The following OSBPL10 variants were observed in gnomAD, a reference collection of about 807,000 sequenced individuals.
OSBPL10 encodes the protein oxysterol binding protein like 10.
Under a neutral mutation model 81.7 loss-of-function variants are expected in OSBPL10, and 49 were observed. That is an observed-to-expected ratio of 0.60 (90% confidence interval 0.48 to 0.76). The LOEUF is 0.76. OSBPL10 is among the 30% of genes least tolerant of loss of function. The pLI is 0.00. For missense variants in OSBPL10, 923 were observed against 987.8 expected, an observed-to-expected ratio of 0.93 and a Z score of 0.88; for synonymous variants, 419 against 383.6, an observed-to-expected ratio of 1.09 and a Z score of -1.08.
At chr3:31,919,506 ATC>A (rs1445019900) in intron 1 of OSBPL10, 2 of 152,170 alleles carry the variant, frequency 1.3e-5, no homozygotes, top group African/African-American at 4.8e-5. Context: ...TCTGGTTCCA[ATC>A]TCTGTTTTTC....
At chr3:31,794,768 T>G in intron 4 of OSBPL10, 1 of 311,512 alleles carries the variant, frequency 3.2e-6, no homozygotes, top group Non-Finnish European at 6.6e-6. Context: ...TGTAGCCCCA[T>G]CTTGGGAGAC....
chr3:31,723,211 A>G (rs1296634069), intron 6 of OSBPL10, among the ~76,000 whole-genome samples: 4 of 152,206 alleles, frequency 2.6e-5, no homozygotes, highest in African/African-American at 4.8e-5. Flanking sequence ...GGTGAATGAC[A>G]GAGAAAAGGA....
At chr3:32,036,888 T>C (rs771441885) in intron 2 of OSBPL10, among the ~76,000 whole-genome samples, 9 of 151,776 alleles carry the variant, frequency 5.9e-5, no homozygotes, top group Non-Finnish European at 1.3e-4. Context: ...TCTTGAACCA[T>C]GGACAGCCAC....
At chr3:31,762,838 A>C (rs1034706547) in intron 4 of OSBPL10, among the ~76,000 whole-genome samples, 1 of 151,760 alleles carries the variant, frequency 6.6e-6, no homozygotes, top group Non-Finnish European at 1.5e-5. Flanking sequence ...CCAAATCATA[A>C]TTTGCGGATG....
intron 4 of OSBPL10, among the ~76,000 whole-genome samples, chr3:31,819,230 C>CA (rs1699923588): frequency 6.6e-6 from 1 of 152,204 alleles, no homozygotes; most frequent in South Asian, 2.1e-4. Context: ...CCCAGGCTGA[C>CA]AAACTAGAAG....
At chr3:31,675,604 A>G (rs866906081) in intron 8 of OSBPL10, among the ~76,000 whole-genome samples, 2 of 152,144 alleles carry the variant, frequency 1.3e-5, no homozygotes, top group Admixed American at 6.5e-5. Context: ...ATTACTCCTC[A>G]TTCTTTAAAG....
At chr3:31,699,213 A>T (rs1486180178) in intron 7 of OSBPL10, among the ~76,000 whole-genome samples, 1 of 152,150 alleles carries the variant, frequency 6.6e-6, no homozygotes, top group Non-Finnish European at 1.5e-5. Context: ...ATACCACATG[A>T]TGTTACTCAT....
intron 3 of OSBPL10, among the ~76,000 whole-genome samples, chr3:31,852,052 GA>G (rs1175546056): frequency 6.6e-6 from 1 of 152,168 alleles, no homozygotes; most frequent in African/African-American, 2.4e-5. Context: ...GCTGCAGGGT[GA>G]AAAAGGACCT....
rs1163158636 is a variant in OSBPL10 at position 31,966,217 on chromosome 3, T to C, written c.281+14682A>G. Among the ~76,000 whole-genome samples the C allele has an allele frequency of 3.4e-5, 5 of 148,488 alleles. No homozygotes were observed. In the South Asian group the frequency reaches 1.1e-3, roughly 31 times the overall value. ...TGTATTCACACTTCTAAATAATTCA[T>C]GGGACGAAAATAAAGTCTCAAGATA... On this transcript the variant is annotated intron_variant, in intron 1 of 11. Coordinates refer to ENST00000396556, the MANE Select transcript of OSBPL10 (RefSeq NM_017784.5).
chr3:31,794,640 G>A, intron 4 of OSBPL10: 1 of 328,520 alleles, frequency 3.0e-6, no homozygotes, highest in Non-Finnish European at 6.1e-6. Flanking sequence ...TGGGTTGTTG[G>A]TGTGGAGTGA....
rs561197271 is a variant in OSBPL10 at position 31,666,308 on chromosome 3, G to A, written c.2097-2076C>T. ...GCAGACTTACAGGTATGGGAAGACCGAAGACCACAGAATTATCTTCATTCT... is the reference window on the plus strand; with the variant it reads ...GCAGACTTACAGGTATGGGAAGACCAAAGACCACAGAATTATCTTCATTCT... On this transcript the variant is annotated intron_variant, in intron 10 of 11. Transcript: ENST00000396556. 1.6e-4 allele frequency among the ~76,000 whole-genome samples: 24 copies of A among 152,300 alleles called. No individual in the cohort carries two copies. The East Asian group carries it at 2.1e-3, about 13-fold the overall frequency.
intron 8 of OSBPL10, among the ~76,000 whole-genome samples, chr3:31,672,388 GGGAGA>G: frequency 7.4e-6 from 1 of 134,290 alleles, no homozygotes; most frequent in Admixed American, 7.5e-5. Flanking sequence ...GGGAGGGAGA[GGGAGA>G]GGGAGAGAGA....
intron 4 of OSBPL10, among the ~76,000 whole-genome samples, chr3:31,798,971 T>A (rs1372449408): frequency 6.6e-6 from 1 of 152,196 alleles, no homozygotes; most frequent in Non-Finnish European, 1.5e-5. Context: ...ATGCTGCTGA[T>A]CTGACAGGCG....
chr3:31,662,197 C>CT, intron 11 of OSBPL10, 81 bp from the exon 12 acceptor site: 6 of 1,603,590 alleles, frequency 3.7e-6, no homozygotes, highest in Non-Finnish European at 5.1e-6. Flanking sequence ...CGCAGCCACT[C>CT]TGTGTGTCTG....
At chr3:31,781,121 A>C (rs1363724036) in intron 4 of OSBPL10, among the ~76,000 whole-genome samples, 1 of 152,234 alleles carries the variant, frequency 6.6e-6, no homozygotes, top group Non-Finnish European at 1.5e-5. Flanking sequence ...CATAATGATC[A>C]ACTGGGTTTC....
At chr3:31,851,897 T>C (rs59389663) in intron 3 of OSBPL10, among the ~76,000 whole-genome samples, 13,047 of 152,154 alleles carry the variant, frequency 0.086, 1,723 homozygotes, top group African/African-American at 0.28. Context: ...CTGGGGGAGA[T>C]GCCCAGGAGT....
At chr3:31,801,549 C>T (rs1457817858) in intron 4 of OSBPL10, among the ~76,000 whole-genome samples, 1 of 152,188 alleles carries the variant, frequency 6.6e-6, no homozygotes, top group Admixed American at 6.5e-5. Flanking sequence ...CCTCCCACAG[C>T]AGGCCCAGGC....
At chr3:31,863,300 A>G (rs1053703510) in intron 3 of OSBPL10, among the ~76,000 whole-genome samples, 1 of 152,190 alleles carries the variant, frequency 6.6e-6, no homozygotes, top group African/African-American at 2.4e-5. Context: ...CAGTTCATGG[A>G]AACAGGGAAA....
chr3:31,717,399 TAAAGA>T (rs1050683815), intron 6 of OSBPL10, among the ~76,000 whole-genome samples: 1 of 152,184 alleles, frequency 6.6e-6, no homozygotes, highest in Non-Finnish European at 1.5e-5. Flanking sequence ...TTATTTTTCT[TAAAGA>T]CAACTCTGGT....
Sources: gnomAD v4.1 joint callset for allele counts (sites outside exome capture counted in the v4.1 genomes callset) on GRCh38, gnomAD v4.1.1 for gene constraint, MANE v1.5 for transcripts, NCBI Gene and HGNC (gene_info 2026-07-23, HGNC 2026-07-21) for gene names.